The following MTO1 variants were observed in gnomAD, a reference collection of about 807,000 sequenced individuals.
MTO1 encodes the protein mitochondrial tRNA translation optimization 1.
MTO1 carries 46 observed loss-of-function variants against 71.6 expected under a neutral mutation model. That is an observed-to-expected ratio of 0.64 (90% CI 0.51 to 0.82). MTO1 has a LOEUF of 0.82. MTO1 is among the 40% of genes least tolerant of loss of function. The pLI is 0.00. For synonymous variants in MTO1, 297 were observed against 312.1 expected (o/e 0.95, Z 0.51); for missense variants, 773 against 867.5 (o/e 0.89, Z 1.37).
chr6:73,473,679 C>G, intron 4 of MTO1, 25 bp downstream of exon 4: 2 of 1,557,154 alleles, frequency 1.3e-6, no homozygotes. Context: ...GAAAACCTGG[C>G]TTACAGCTGG....
chr6:73,470,861 G>A (rs1364057193), intron 3 of MTO1, among the ~76,000 whole-genome samples: 1 of 152,152 alleles, frequency 6.6e-6, no homozygotes, highest in Non-Finnish European at 1.5e-5. Context: ...GCTAAGGCAG[G>A]AGAATCACTT....
intron 9 of MTO1, among the ~76,000 whole-genome samples, chr6:73,484,243 A>G (rs958477711): frequency 6.6e-6 from 1 of 152,182 alleles, no homozygotes; most frequent in African/African-American, 2.4e-5. Flanking sequence ...AGGATGGTGG[A>G]TATCTTTGTC....
At chr6:73,467,362 C>G (rs1421057554) in intron 3 of MTO1, among the ~76,000 whole-genome samples, 1 of 151,724 alleles carries the variant, frequency 6.6e-6, no homozygotes, top group Non-Finnish European at 1.5e-5. Context: ...CACCTGTAAT[C>G]CCAACACTTT....
chr6:73,482,324 C>T (rs1178510968), intron 8 of MTO1, 80 bp downstream of exon 8: 1 of 1,563,182 alleles, frequency 6.4e-7, no homozygotes, highest in Non-Finnish European at 8.8e-7. Context: ...GAGACCAAGG[C>T]AAGAGGATCA....
rs187092208 is a variant in MTO1 at position 73,486,810 on chromosome 6, G to A, written c.1637+4190G>A. On this transcript the variant is annotated intron_variant, in intron 9 of 11. Transcript: ENST00000498286. ...ATTTCATGTAACATAATGTCCTCAC[G>A]ACCAGGAATGGTGGCTCATGCCTGG... The A allele has an allele frequency of 7.0e-5, 12 of 171,394 alleles. No homozygotes were observed. The East Asian group carries it at 1.9e-3, about 27-fold the overall frequency. 10.6% of individuals were successfully genotyped at this position (171,394 alleles called of 1,614,324 possible). A position where few individuals can be genotyped will look rare whatever the true frequency, so the allele number is the denominator to read the frequency against.
At chr6:73,487,177 T>A (rs1279289800) in intron 9 of MTO1, among the ~76,000 whole-genome samples, 1 of 149,534 alleles carries the variant, frequency 6.7e-6, no homozygotes, top group African/African-American at 2.5e-5. Flanking sequence ...TACAAAGATA[T>A]CTTCAAGACC....
Position 73,502,288 on chromosome 6 carries a change from A to G in MTO1, c.*1553A>G, listed in dbSNP as rs149458809. The G allele has an allele frequency of 0.013, 1,907 of 152,244 alleles. 20 individuals are homozygous for G. The highest frequency in any genetic ancestry group is 0.018 in the Non-Finnish European group (1,207 of 68,074). The allele number at this position is 152,244 out of a possible 1,614,324, so 9.4% of individuals were successfully genotyped here. A position where few individuals can be genotyped will look rare whatever the true frequency, so the allele number is the denominator to read the frequency against. The stretch of plus-strand genomic sequence containing the variant: ...GCAAAACCCCATCTCCACTAAAAAT[A>G]CCAAAATTAGCCAGGCGTGGTGGAG... On this transcript the variant is annotated 3_prime_UTR_variant, in exon 12 of 12. Transcript: ENST00000498286.
At chr6:73,468,082 G>C (rs1771051588) in intron 3 of MTO1, among the ~76,000 whole-genome samples, 1 of 152,010 alleles carries the variant, frequency 6.6e-6, no homozygotes, top group South Asian at 2.1e-4. Flanking sequence ...CCCTCCCAGA[G>C]TGCTGGGATT....
chr6:73,469,241 C>T (rs1771079040), intron 3 of MTO1, among the ~76,000 whole-genome samples: 1 of 152,096 alleles, frequency 6.6e-6, no homozygotes, highest in Admixed American at 6.5e-5. Flanking sequence ...TGGTCTTGAA[C>T]TCCTAGGCTC....
At chr6:73,474,032 C>T (rs1771236481) in intron 4 of MTO1, among the ~76,000 whole-genome samples, 1 of 150,250 alleles carries the variant, frequency 6.7e-6, no homozygotes, top group African/African-American at 2.5e-5. Context: ...AGGATCCACC[C>T]CCCTTGGCCT....
intron 4 of MTO1, among the ~76,000 whole-genome samples, chr6:73,476,134 A>G (rs2350873): frequency 0.9 from 136,855 of 151,442 alleles, 61,969 homozygotes; most frequent in East Asian, 0.95. Context: ...AGGCTGAGGC[A>G]GGTGGATCAC....
chr6:73,492,519 C>T (rs973479742), intron 10 of MTO1, among the ~76,000 whole-genome samples, 167 bp downstream of exon 10: 1 of 152,020 alleles, frequency 6.6e-6, no homozygotes, highest in African/African-American at 2.4e-5. Flanking sequence ...GTTAGAAATA[C>T]AGAATCTTGG....
chr6:73,482,948 C>T (rs1253971526), intron 9 of MTO1, among the ~76,000 whole-genome samples: 6 of 151,692 alleles, frequency 4.0e-5, no homozygotes, highest in African/African-American at 7.3e-5. Context: ...CCTGCCACCG[C>T]GCCCGGCTAA....
intron 4 of MTO1, among the ~76,000 whole-genome samples, chr6:73,478,395 C>T (rs975198749): frequency 9.2e-5 from 14 of 151,686 alleles, no homozygotes; most frequent in Admixed American, 7.9e-4. Context: ...GCCTGGGCAA[C>T]ATAATGAGAC....
rs752423236 is a variant in MTO1 at position 73,500,758 on chromosome 6, TA to T, written c.*26del. On this transcript the variant is annotated 3_prime_UTR_variant, in exon 12 of 12. Coordinates refer to ENST00000498286, the MANE Select transcript of MTO1 (RefSeq NM_012123.4). ...TAGCTTTCAATTCATAAAAGATTTT[TA>T]AAGAGCATATAAATAATTTGATCAA... 6.5e-7 allele frequency: 1 copy of T among 1,528,838 alleles called. No homozygotes were observed. The highest frequency in any genetic ancestry group is 8.8e-7 in the Non-Finnish European group (1 of 1,131,958). The allele number at this position is 1,528,838 out of a possible 1,614,324, so 94.7% of individuals were successfully genotyped here. A position where few individuals can be genotyped will look rare whatever the true frequency, so the allele number is the denominator to read the frequency against.
intron 4 of MTO1, among the ~76,000 whole-genome samples, chr6:73,479,324 G>C (rs1771421347): frequency 6.6e-6 from 1 of 151,798 alleles, no homozygotes; most frequent in Non-Finnish European, 1.5e-5. Context: ...GTGAAACTCT[G>C]TCTCTACCAA....
Position 73,466,543 on chromosome 6 carries a change from C to A in MTO1, c.472C>A (p.Leu158Ile), listed in dbSNP as rs1246214730. ...LTVQEGAVED[L>I]ILTEPEPEHT... ...TGTTCAGGAGGGAGCTGTAGAAGAT[C>A]TTATTCTTACAGAACCAGAGCCTGA... Residue 158 changes from leucine to isoleucine, a missense_variant, in exon 3 of 12, where the codon CTT becomes ATT. Coordinates refer to ENST00000498286, the MANE Select transcript of MTO1 (RefSeq NM_012123.4). 6.2e-7 allele frequency: 1 copy of A among 1,614,156 alleles called. No individual in the cohort carries two copies. Among genetic ancestry groups the A allele is most frequent in the Non-Finnish European group, 8.5e-7 (1 of 1,180,034 alleles).
chr6:73,474,539 C>T (rs1359189403), intron 4 of MTO1, among the ~76,000 whole-genome samples: 1 of 152,126 alleles, frequency 6.6e-6, no homozygotes, highest in Non-Finnish European at 1.5e-5. Flanking sequence ...ACTTCCGCAT[C>T]CTGGGTTCAA....
In MTO1 at chr6:73,473,469, G is replaced by A; in HGVS notation, c.640G>A (p.Gly214Arg). ...GLETHPAGRL[G>R]DQPSIGLAQT... The stretch of plus-strand genomic sequence containing the variant: ...GGAGACGCATCCAGCAGGACGTTTA[G>A]GGGATCAGCCTTCTATAGGATTGGC... Residue 214 changes from glycine (G) to arginine (R), a missense_variant, in exon 4 of 12, where the codon GGG becomes AGG. Physicochemically the swap from Gly to Arg is moderately radical, Grantham distance 125. Transcript: ENST00000498286. The A allele has an allele frequency of 1.2e-6, 2 of 1,614,166 alleles. No homozygotes were observed. The highest frequency in any genetic ancestry group is 2.2e-5 in the South Asian group (2 of 91,084).
Sources: gnomAD v4.1 joint callset for allele counts (sites outside exome capture counted in the v4.1 genomes callset) on GRCh38, gnomAD v4.1.1 for gene constraint, MANE v1.5 for transcripts, NCBI Gene and HGNC (gene_info 2026-07-23, HGNC 2026-07-21) for gene names.